The following CNTNAP4 variants were observed in gnomAD, a reference collection of about 807,000 sequenced individuals.
CNTNAP4 encodes contactin associated protein family member 4.
A neutral mutation model predicts 148.4 loss-of-function variants in CNTNAP4; 98 were observed. The observed-to-expected ratio is 0.66, with a 90% CI of 0.56 to 0.78. The LOEUF is 0.78. Ranked by LOEUF, CNTNAP4 falls within the 30% of genes least tolerant of loss-of-function variation. The pLI is 0.00. For synonymous variants in CNTNAP4, 730 were observed against 565.1 expected, an observed-to-expected ratio of 1.29 and a Z score of -4.14; for missense variants, 1,935 against 1,565.6, an observed-to-expected ratio of 1.24 and a Z score of -3.98.
intron 15 of CNTNAP4, among the ~76,000 whole-genome samples, chr16:76,508,588 C>A (rs7185587): frequency 0.19 from 16,998 of 90,060 alleles, 4,911 homozygotes; most frequent in African/African-American, 0.42. Flanking sequence ...GAAACTTGAT[C>A]AATGTGAGGG....
At chr16:76,370,447 G>C (rs1014151949) in intron 3 of CNTNAP4, among the ~76,000 whole-genome samples, 1 of 152,100 alleles carries the variant, frequency 6.6e-6, no homozygotes, top group Non-Finnish European at 1.5e-5. Context: ...CTTGTAAAAG[G>C]CTCAGCCACT....
intron 2 of CNTNAP4, among the ~76,000 whole-genome samples, chr16:76,340,589 A>G (rs886541397): frequency 1.1e-4 from 17 of 152,166 alleles, no homozygotes; most frequent in African/African-American, 3.6e-4. Flanking sequence ...TGCCAATTCT[A>G]CCTCACTAAA....
At chr16:76,485,984 C>G (rs1311914987) in intron 12 of CNTNAP4, among the ~76,000 whole-genome samples, 2 of 152,200 alleles carry the variant, frequency 1.3e-5, no homozygotes, top group Admixed American at 1.3e-4. Flanking sequence ...TGAAGCAACA[C>G]AAGCTTTGCA....
intron 12 of CNTNAP4, among the ~76,000 whole-genome samples, chr16:76,482,755 G>A (rs2063061): frequency 0.43 from 65,159 of 152,024 alleles, 13,980 homozygotes; most frequent in Admixed American, 0.45. Flanking sequence ...TCCCGCCTGT[G>A]CAGTACAAAT....
chr16:76,551,071 A>G (rs892979847), intron 21 of CNTNAP4, among the ~76,000 whole-genome samples: 6 of 152,178 alleles, frequency 3.9e-5, no homozygotes, highest in African/African-American at 1.4e-4. Context: ...ATTATTACGT[A>G]GAAAACATGA....
intron 2 of CNTNAP4, among the ~76,000 whole-genome samples, chr16:76,332,917 G>A (rs1376519885): frequency 6.6e-6 from 1 of 152,086 alleles, no homozygotes; most frequent in Admixed American, 6.6e-5. Context: ...TAGTGGTACG[G>A]GCCAGATACA....
intron 21 of CNTNAP4, among the ~76,000 whole-genome samples, chr16:76,549,967 G>T (rs917129795): frequency 2.0e-5 from 3 of 152,172 alleles, no homozygotes; most frequent in Admixed American, 2.0e-4. Flanking sequence ...GGCTTATCAT[G>T]TTCTATGCAG....
intron 2 of CNTNAP4, among the ~76,000 whole-genome samples, chr16:76,342,580 C>A (rs180851596): frequency 1.2e-4 from 18 of 146,822 alleles, no homozygotes; most frequent in African/African-American, 4.3e-4. Flanking sequence ...TCACACCATT[C>A]TCCTGTGTCA....
At chr16:76,372,667 C>G (rs555731985) in intron 3 of CNTNAP4, among the ~76,000 whole-genome samples, 2 of 143,220 alleles carry the variant, frequency 1.4e-5, no homozygotes, top group South Asian at 4.2e-4. Flanking sequence ...ATGCCTTCTG[C>G]CATGATTGTG....
intron 3 of CNTNAP4, among the ~76,000 whole-genome samples, chr16:76,394,947 G>A (rs1010386017): frequency 2.6e-5 from 4 of 152,116 alleles, no homozygotes; most frequent in South Asian, 2.1e-4. Context: ...TTTTACCACC[G>A]TGATACCAGG....
chr16:76,409,365 A>G (rs1030764697), intron 3 of CNTNAP4, among the ~76,000 whole-genome samples: 7 of 151,988 alleles, frequency 4.6e-5, no homozygotes, highest in African/African-American at 1.4e-4. Flanking sequence ...TTAAAATAAC[A>G]TGCAATATGT....
At chr16:76,398,503 G>A (rs571541941) in intron 3 of CNTNAP4, among the ~76,000 whole-genome samples, 8 of 152,006 alleles carry the variant, frequency 5.3e-5, no homozygotes, top group Non-Finnish European at 8.8e-5. Context: ...CTCAGCCACC[G>A]CACTGCAAAG....
chr16:76,450,154 T>A (rs2080405775), intron 7 of CNTNAP4, among the ~76,000 whole-genome samples: 1 of 152,096 alleles, frequency 6.6e-6, no homozygotes, highest in African/African-American at 2.4e-5. Context: ...ATCTGTATTT[T>A]TTTTTTCTTT....
At chr16:76,341,197 A>C (rs1487567800) in intron 2 of CNTNAP4, among the ~76,000 whole-genome samples, 4 of 152,062 alleles carry the variant, frequency 2.6e-5, no homozygotes, top group Non-Finnish European at 4.4e-5. Context: ...CAACTTTTTC[A>C]TTGAGAGTCT....
At chr16:76,286,159 T>G (rs553241418) in intron 1 of CNTNAP4, among the ~76,000 whole-genome samples, 1 of 147,716 alleles carries the variant, frequency 6.8e-6, no homozygotes, top group Admixed American at 6.9e-5. Context: ...AATGAGTTGC[T>G]GAGATAGAAT....
intron 16 of CNTNAP4, 33 bp from the exon 17 acceptor site, chr16:76,522,006 C>T: frequency 6.3e-7 from 1 of 1,599,914 alleles, no homozygotes; most frequent in Non-Finnish European, 8.6e-7. Context: ...CATAGGAACT[C>T]ACTAGAACAA....
At chr16:76,318,797 G>A (rs1962100006) in intron 2 of CNTNAP4, among the ~76,000 whole-genome samples, 1 of 149,022 alleles carries the variant, frequency 6.7e-6, no homozygotes, top group South Asian at 2.1e-4. Flanking sequence ...TAATAATTAT[G>A]AGAAATTATT....
At chr16:76,400,360 G>T (rs2078365758) in intron 3 of CNTNAP4, among the ~76,000 whole-genome samples, 1 of 151,964 alleles carries the variant, frequency 6.6e-6, no homozygotes, top group Non-Finnish European at 1.5e-5. Flanking sequence ...ATAATATATT[G>T]CATTCCATAA....
chr16:76,422,925 C>T (rs1411488107), intron 3 of CNTNAP4, among the ~76,000 whole-genome samples: 2 of 152,140 alleles, frequency 1.3e-5, no homozygotes, highest in Non-Finnish European at 2.9e-5. Flanking sequence ...GAAATCTTAA[C>T]CCTCAACAAG....
Sources: gnomAD v4.1 joint callset for allele counts (sites outside exome capture counted in the v4.1 genomes callset) on GRCh38, gnomAD v4.1.1 for gene constraint, MANE v1.5 for transcripts, NCBI Gene and HGNC (gene_info 2026-07-23, HGNC 2026-07-21) for gene names.